The following ASTN2 variants were observed in gnomAD, a reference collection of about 807,000 sequenced individuals.
ASTN2 encodes astrotactin 2.
In ASTN2, 54 loss-of-function variants were observed where a neutral mutation model predicts 139.8. The observed-to-expected ratio is 0.39, with a 90% CI of 0.31 to 0.48. The LOEUF (loss-of-function observed/expected upper bound fraction) is 0.48. Among genes scored for constraint, ASTN2 ranks in the 20% least tolerant of loss-of-function variants. The pLI is 0.95. For synonymous variants in ASTN2, 756 were observed against 719.5 expected (o/e 1.05, Z -0.81); for missense variants, 1,565 against 1,725.1 (o/e 0.91, Z 1.64).
intron 10 of ASTN2, among the ~76,000 whole-genome samples, chr9:116,967,209 A>T (rs1419326329): frequency 2.6e-5 from 4 of 152,186 alleles, no homozygotes; most frequent in Admixed American, 1.3e-4. Context: ...GTGTTATCTC[A>T]TTCCATTCTC....
chr9:117,011,672 G>A (rs559263073), intron 6 of ASTN2, among the ~76,000 whole-genome samples: 4 of 152,294 alleles, frequency 2.6e-5, no homozygotes, highest in Admixed American at 1.3e-4. Flanking sequence ...CTGCTCATTC[G>A]TGGCATGAAT....
At chr9:116,861,951 TA>T (rs1216597573) in intron 11 of ASTN2, among the ~76,000 whole-genome samples, 1 of 149,378 alleles carries the variant, frequency 6.7e-6, no homozygotes, top group Admixed American at 6.8e-5. Context: ...GACTTCCACT[TA>T]AGCCAATGCA....
At chr9:116,533,976 G>C (rs2119307352) in intron 19 of ASTN2, among the ~76,000 whole-genome samples, 1 of 152,286 alleles carries the variant, frequency 6.6e-6, no homozygotes, top group South Asian at 2.1e-4. Context: ...ATTTGGCTGT[G>C]AATCCATCTG....
chr9:116,952,655 G>A (rs990431604), intron 10 of ASTN2, among the ~76,000 whole-genome samples: 1 of 152,166 alleles, frequency 6.6e-6, no homozygotes, highest in African/African-American at 2.4e-5. Context: ...GTTGTGGTCA[G>A]TGATGAAATG....
intron 1 of ASTN2, among the ~76,000 whole-genome samples, chr9:117,369,552 G>C (rs1039963920): frequency 3.9e-5 from 6 of 152,040 alleles, no homozygotes; most frequent in Non-Finnish European, 7.4e-5. Context: ...TTTGCTTTAA[G>C]TATGACATAT....
chr9:117,058,423 T>A (rs1839131662), intron 5 of ASTN2, among the ~76,000 whole-genome samples: 1 of 152,246 alleles, frequency 6.6e-6, no homozygotes, highest in Admixed American at 6.5e-5. Flanking sequence ...CTGGATTAAG[T>A]CCTTTGCAGG....
At chr9:117,238,246 G>T (rs1337166668) in intron 2 of ASTN2, among the ~76,000 whole-genome samples, 2 of 152,120 alleles carry the variant, frequency 1.3e-5, no homozygotes, top group African/African-American at 4.8e-5. Context: ...AGGTCCTTTG[G>T]TTTAGCCATG....
chr9:116,432,040 G>A (rs1279310596), intron 22 of ASTN2, among the ~76,000 whole-genome samples: 1 of 152,188 alleles, frequency 6.6e-6, no homozygotes, highest in East Asian at 1.9e-4. Flanking sequence ...AGTGGGAGTC[G>A]TAGCAGGCGT....
intron 13 of ASTN2, among the ~76,000 whole-genome samples, chr9:116,759,954 G>A (rs1192880768): frequency 6.6e-6 from 1 of 152,136 alleles, no homozygotes; most frequent in Non-Finnish European, 1.5e-5. Flanking sequence ...TCCGTTTAAT[G>A]TCAGATATGA....
chr9:117,201,797 G>C (rs1164038072), intron 3 of ASTN2, among the ~76,000 whole-genome samples: 1 of 152,164 alleles, frequency 6.6e-6, no homozygotes, highest in Non-Finnish European at 1.5e-5. Flanking sequence ...ATGTGGCACT[G>C]AGAAGAATGT....
intron 7 of ASTN2, among the ~76,000 whole-genome samples, chr9:116,979,807 T>C (rs1298764735): frequency 6.6e-6 from 1 of 152,084 alleles, no homozygotes; most frequent in Admixed American, 6.5e-5. Flanking sequence ...GAGGTCCCTA[T>C]CTCTCCTGCA....
In ASTN2 at chr9:116,699,810, C is replaced by G; in HGVS notation, c.2806+25961G>C. Reference sequence around the variant, plus strand: ...AATAGACTCAGCCTATGTCCTGATTCCAGCTGGGTAGTTCTAGAACTTCAG... The same window carrying G: ...AATAGACTCAGCCTATGTCCTGATTGCAGCTGGGTAGTTCTAGAACTTCAG... On this transcript the variant is annotated intron_variant, in intron 16 of 22. Transcript: ENST00000313400. This position sits in a 1 kb window ranked among gnomAD's most constrained non-coding sequence, Gnocchi z 4.2. 1 of 1,496,668 alleles carries G rather than the reference C, an allele frequency of 6.7e-7. No individual in the cohort carries two copies. Among genetic ancestry groups the G allele is most frequent in the Non-Finnish European group, 9.2e-7 (1 of 1,083,016 alleles). The allele number at this position is 1,496,668 out of a possible 1,614,324, so 92.7% of individuals were successfully genotyped here.
In ASTN2 at chr9:117,414,319, C is replaced by A. The variant is rs893334797; in HGVS notation, c.442+178G>T. On this transcript the variant is annotated intron_variant, in intron 1 of 22. Coordinates refer to ENST00000313400, the MANE Select transcript of ASTN2 (RefSeq NM_001365068.1). The surrounding 1 kb of genome is among the most constrained non-coding windows in gnomAD (Gnocchi z 4.2). ...GCTCCCGCCGCGCGCTCTCCAGGACCTCCTCCCACATGCTCGTTTCCAACC... is the reference window on the plus strand; with the variant it reads ...GCTCCCGCCGCGCGCTCTCCAGGACATCCTCCCACATGCTCGTTTCCAACC... Among the ~76,000 whole-genome samples, 1 of 152,160 alleles carries A rather than the reference C, an allele frequency of 6.6e-6. No homozygotes were observed. The highest frequency in any genetic ancestry group is 2.4e-5 in the African/African-American group (1 of 41,462).
chr9:116,669,549 A>C (rs1484214632), intron 16 of ASTN2, among the ~76,000 whole-genome samples: 4 of 152,114 alleles, frequency 2.6e-5, no homozygotes, highest in Non-Finnish European at 5.9e-5. Flanking sequence ...TCATATGCTT[A>C]TTTGCCATAT....
intron 2 of ASTN2, among the ~76,000 whole-genome samples, chr9:117,224,425 A>C (rs1273120672): frequency 1.3e-5 from 2 of 152,060 alleles, no homozygotes; most frequent in African/African-American, 2.4e-5. Flanking sequence ...GTAGTGGTGA[A>C]ACCACTACTT....
At chr9:116,673,888 A>G (rs1859345041) in intron 16 of ASTN2, among the ~76,000 whole-genome samples, 2 of 152,220 alleles carry the variant, frequency 1.3e-5, no homozygotes. Flanking sequence ...TTGCTAAACT[A>G]TGACTGAGAT....
chr9:117,115,904 A>G (rs887704052), intron 4 of ASTN2, among the ~76,000 whole-genome samples: 1 of 151,946 alleles, frequency 6.6e-6, no homozygotes, highest in African/African-American at 2.4e-5. Flanking sequence ...GGGCGCCTGT[A>G]GTCCCAGCTA....
In ASTN2 at chr9:116,699,666, A is replaced by C. The variant is rs1350913102; in HGVS notation, c.2806+26105T>G. ...GGACTGTTGGGATCATTGCATCAAG[A>C]TCTACAGCTACCATCTGAGAAGATA... On this transcript the variant is annotated intron_variant, in intron 16 of 22. Transcript: ENST00000313400. This position sits in a 1 kb window ranked among gnomAD's most constrained non-coding sequence, Gnocchi z 4.2. 6.2e-7 allele frequency: 1 copy of C among 1,613,992 alleles called. No individual in the cohort carries two copies. Among genetic ancestry groups the C allele is most frequent in the Non-Finnish European group, 8.5e-7 (1 of 1,180,026 alleles).
At chr9:117,343,602 A>T (rs75827359) in intron 1 of ASTN2, among the ~76,000 whole-genome samples, 6,680 of 152,290 alleles carry the variant, frequency 0.044, 213 homozygotes, top group South Asian at 0.1. Context: ...TATTATTTTC[A>T]ACCCCATGTA....
Sources: gnomAD v4.1 joint callset for allele counts (sites outside exome capture counted in the v4.1 genomes callset) on GRCh38, gnomAD v4.1.1 for gene constraint, Gnocchi (gnomAD v3.1) non-coding constraint, MANE v1.5 for transcripts, NCBI Gene and HGNC (gene_info 2026-07-23, HGNC 2026-07-21) for gene names.